The following FASTKD3 variants were observed in gnomAD, a reference collection of about 807,000 sequenced individuals.
The protein encoded by FASTKD3 is FAST kinase domain-containing protein 3, mitochondrial.
In FASTKD3, 47 loss-of-function variants were observed where a neutral mutation model predicts 49.7. That is an observed-to-expected ratio of 0.95 (90% CI 0.75 to 1.21). The LOEUF (loss-of-function observed/expected upper bound fraction) is 1.21, where lower values mean the gene tolerates loss of function less well. Ranked by LOEUF, FASTKD3 falls within the 50% of genes most tolerant of loss-of-function variation. FASTKD3 has a pLI of 0.00. For synonymous variants in FASTKD3, 284 were observed against 288.6 expected (o/e 0.98, Z 0.16); for missense variants, 748 against 765.7 (o/e 0.98, Z 0.27).
chr5:7,859,491 C>G lies in FASTKD3; in HGVS notation c.1933G>C (p.Glu645Gln), dbSNP rs1382664675. ...GMLKSRRELV[E>Q]YLQRKLFSQN... is the part of the protein sequence containing the mutation. ...GAAAACAGTTTTCTTTGTAAATATT[C>G]CACCAATTCACGTCTTGATTTTAGC... The change falls in exon 7 of 7, where the codon GAA (glutamate) becomes CAA (glutamine). Residue 645 changes from glutamate (E) to glutamine (Q), a missense_variant. Coordinates refer to ENST00000264669, the MANE Select transcript of FASTKD3 (RefSeq NM_024091.4). 6.2e-7 allele frequency: 1 copy of G among 1,606,744 alleles called. No individual in the cohort carries two copies. Among genetic ancestry groups the G allele is most frequent in the Non-Finnish European group, 8.5e-7 (1 of 1,176,466 alleles).
At chr5:7,868,888 C>A in intron 1 of FASTKD3, 91 bp downstream of exon 1, 1 of 576,398 alleles carries the variant, frequency 1.7e-6, no homozygotes, top group Non-Finnish European at 3.1e-6. Context: ...CGCTGAGACA[C>A]GGGCCGGGCG....
chr5:7,863,007 CA>C lies in FASTKD3; in HGVS notation c.1525-11del, dbSNP rs1746666129. 6.2e-7 allele frequency: 1 copy of C among 1,605,748 alleles called. No homozygotes were observed. The highest frequency in any genetic ancestry group is 8.5e-7 in the Non-Finnish European group (1 of 1,174,158). On this transcript the variant is annotated splice_polypyrimidine_tract_variant and intron_variant, in intron 3 of 6. Coordinates refer to ENST00000264669, the MANE Select transcript of FASTKD3 (RefSeq NM_024091.4). The stretch of plus-strand genomic sequence containing the variant: ...GAAGGAGTTTTGGACCCTAAAAAAT[CA>C]TAAGTGCAAATGTGAGAAAGAAAAA...
rs371410384 is a variant in FASTKD3 at position 7,867,066 on chromosome 5, C to T, written c.1018G>A (p.Ala340Thr). The T allele has an allele frequency of 1.9e-6, 3 of 1,614,180 alleles. No homozygotes were observed. The East Asian group carries it at 6.7e-5, about 36-fold the overall frequency. ...TCATGGTGCCCAAAATATATGAACG[C>T]CTCCAAGACTCTCCTAAGCTCCTCG... ...TNEELRRVLE[A>T]FIYFGHHDTF... is the part of the protein sequence containing the mutation. The change falls in exon 2 of 7, where the codon GCG becomes ACG. Residue 340 changes from alanine to threonine, a missense_variant. Ala to Thr is a moderately conservative substitution (Grantham distance 58). Coordinates refer to ENST00000264669, the MANE Select transcript of FASTKD3 (RefSeq NM_024091.4).
intron 1 of FASTKD3, among the ~76,000 whole-genome samples, 152 bp downstream of exon 1, chr5:7,868,824 AATG>A (rs1326254694): frequency 6.6e-6 from 1 of 152,022 alleles, no homozygotes; most frequent in Non-Finnish European, 1.5e-5. Flanking sequence ...TTTTCCTAGG[AATG>A]AAAGGGACCC....
At position 7,865,973 on chromosome 5, in the gene FASTKD3, A is replaced by G; in HGVS notation, c.1449T>C (p.Ser483=). The change falls in exon 3 of 7, where the codon TCT becomes TCC. Residue 483 remains serine (S), a synonymous_variant. Transcript: ENST00000264669. ...GTGCCCGACTCAATGTGTCCAAATG[A>G]GATTCTTTACCTGAAACAGAAAGCA... ...LFLQRLQGKE[S]HLDTLSRAQL... is the part of the protein sequence containing the mutation. 6.2e-7 allele frequency: 1 copy of G among 1,613,612 alleles called. No homozygotes were observed.
rs138245860 is a variant in FASTKD3 at position 7,861,167 on chromosome 5, G to A, written c.1866C>T (p.Leu622=). The change falls in exon 6 of 7, where the codon CTC becomes CTT. Residue 622 remains leucine (L), a synonymous_variant. Coordinates refer to ENST00000264669, the MANE Select transcript of FASTKD3 (RefSeq NM_024091.4). ...ACCGTACCTGAACAACTTGATAACC[G>A]AGTAACTGTAGGTGTCTTTGTTTAA... ...EAIKQRHLQL[L]GYQVVQIPYH... The A allele has an allele frequency of 1.6e-5, 25 of 1,605,650 alleles. No individual in the cohort carries two copies. Among genetic ancestry groups the A allele is most frequent in the Non-Finnish European group, 2.1e-5 (25 of 1,174,292 alleles).
chr5:7,862,972 T>C lies in FASTKD3; in HGVS notation c.1550A>G (p.Gln517Arg), dbSNP rs1435187509. Residue 517 changes from glutamine to arginine, a missense_variant, in exon 4 of 7, where the codon CAA becomes CGA. Physicochemically the swap from Gln to Arg is conservative, Grantham distance 43 (BLOSUM62 1). Coordinates refer to ENST00000264669, the MANE Select transcript of FASTKD3 (RefSeq NM_024091.4). ...GCATGGGGTAAGAAATGACTTCACTTGATATTTAGGAAGGAGTTTTGGACC... is the reference window on the plus strand; with the variant it reads ...GCATGGGGTAAGAAATGACTTCACTCGATATTTAGGAAGGAGTTTTGGACC... ...YKGPKLLPKY[Q>R]VKSFLTPCCS... is the part of the protein sequence containing the mutation. 4.3e-6 allele frequency: 7 copies of C among 1,613,888 alleles called. No individual in the cohort carries two copies. The highest frequency in any genetic ancestry group is 5.9e-6 in the Non-Finnish European group (7 of 1,179,902).
Position 7,867,056 on chromosome 5 carries a change from T to TATATG in FASTKD3, c.1023_1027dup (p.Tyr343SerfsTer15), listed in dbSNP as rs749066616. ...AAAAAATGTGTCATGGTGCCCAAAATATATGAACGCCTCCAAGACTCTCCT... is the reference window on the plus strand; with the variant it reads ...AAAAAATGTGTCATGGTGCCCAAAATATATGATATGAACGCCTCCAAGACTCTCCT... On this transcript the variant is annotated frameshift_variant, in exon 2 of 7. Coordinates refer to ENST00000264669, the MANE Select transcript of FASTKD3 (RefSeq NM_024091.4). LOFTEE classifies it high-confidence loss of function. The TATATG allele has an allele frequency of 7.4e-6, 12 of 1,614,150 alleles. No individual in the cohort carries two copies. The South Asian group carries it at 1.2e-4, about 16-fold the overall frequency.
In FASTKD3 at chr5:7,867,923, C is replaced by A. The variant is rs371427214; in HGVS notation, c.161G>T (p.Gly54Val). The change falls in exon 2 of 7, where the codon GGG becomes GTG. Residue 54 changes from glycine to valine, a missense_variant. Gly to Val is a moderately radical substitution (Grantham distance 109). Transcript: ENST00000264669. ...ACAATGGGCATGATGGAATTTGACC[C>A]CGAAAGGCTCAGGTTGTCGTGAACA... ...WLCSRQPEPF[G>V]VKFHHAHCKK... 3.7e-5 allele frequency: 60 copies of A among 1,614,056 alleles called. No homozygotes were observed. Among genetic ancestry groups the A allele is most frequent in the Non-Finnish European group, 4.9e-5 (58 of 1,180,016 alleles).
Position 7,867,010 on chromosome 5 carries a change from A to C in FASTKD3, c.1074T>G (p.Arg358=). The change falls in exon 2 of 7, where the codon CGT becomes CGG. Residue 358 remains arginine, a synonymous_variant. Coordinates refer to ENST00000264669, the MANE Select transcript of FASTKD3 (RefSeq NM_024091.4). The stretch of plus-strand genomic sequence containing the variant: ...CCAACGTGAGGCACACCGCAGCTAC[A>C]CGATGCTCTAGGGCTTTTGTAAAAA... ...DTFFTKALEH[R]VAAVCLTLDP... The C allele has an allele frequency of 6.2e-7, 1 of 1,614,230 alleles. No individual in the cohort carries two copies. Among genetic ancestry groups the C allele is most frequent in the Non-Finnish European group, 8.5e-7 (1 of 1,180,048 alleles).
In FASTKD3 at chr5:7,868,191, G is replaced by A. The variant is rs1451384439; in HGVS notation, c.-108C>T. On this transcript the variant is annotated 5_prime_UTR_variant, in exon 2 of 7. Transcript: ENST00000264669. The stretch of plus-strand genomic sequence containing the variant: ...CATCAATGTTTATGAAACTACAAAC[G>A]AGTATCTGGAAAAAAAAAAAAAAAA... The A allele has an allele frequency of 6.0e-5, 16 of 268,214 alleles. No homozygotes were observed. The highest frequency in any genetic ancestry group is 3.1e-4 in the South Asian group (2 of 6,408). The allele number at this position is 268,214 out of a possible 1,614,324, so 16.6% of individuals were successfully genotyped here.
In FASTKD3 at chr5:7,868,947, C is replaced by CAACT. The variant is rs749123217; in HGVS notation, c.-114+28_-114+31dup. On this transcript the variant is annotated intron_variant, in intron 1 of 6. Coordinates refer to ENST00000264669, the MANE Select transcript of FASTKD3 (RefSeq NM_024091.4). Reference sequence around the variant, plus strand: ...CCAGGTCTTTGACACCCAGCCGGACCAACTGCGCGGAGACCCCGCGTTGAC... The same window carrying CAACT: ...CCAGGTCTTTGACACCCAGCCGGACCAACTAACTGCGCGGAGACCCCGCGTTGAC... 27 of 704,092 alleles carry CAACT rather than the reference C, an allele frequency of 3.8e-5. No homozygotes were observed. In the African/African-American group the frequency reaches 4.5e-4, roughly 12 times the overall value. 43.6% of individuals were successfully genotyped at this position (704,092 alleles called of 1,614,324 possible). A position where few individuals can be genotyped will look rare whatever the true frequency, so the allele number is the denominator to read the frequency against.
rs547672423 is a variant in FASTKD3, at chr5:7,864,316, A to G, written c.1525-1319T>C. Among the ~76,000 whole-genome samples, 4 of 152,322 alleles carry G rather than the reference A, an allele frequency of 2.6e-5. No homozygotes were observed. In the South Asian group the frequency reaches 8.3e-4, roughly 32 times the overall value. ...TGTTAATTAGAATACATAAATAAAA[A>G]TTCAATTTTACTTTTAGATCAAAGA... On this transcript the variant is annotated intron_variant, in intron 3 of 6. Coordinates refer to ENST00000264669, the MANE Select transcript of FASTKD3 (RefSeq NM_024091.4).
intron 6 of FASTKD3, 50 bp from the exon 7 acceptor site, chr5:7,859,589 T>G (rs16879236): frequency 0.05 from 58,609 of 1,181,390 alleles, 3,026 homozygotes; most frequent in East Asian, 0.19. Context: ...AAATCTGAGG[T>G]TCCTCTGGCT....
At chr5:7,864,284 C>T (rs1746773861) in intron 3 of FASTKD3, among the ~76,000 whole-genome samples, 2 of 152,066 alleles carry the variant, frequency 1.3e-5, no homozygotes, top group Non-Finnish European at 2.9e-5. Context: ...TAAGTATATA[C>T]AATTTTTGTT....
Position 7,863,606 on chromosome 5 carries a change from G to A in FASTKD3, c.1525-609C>T, listed in dbSNP as rs541289423. Among the ~76,000 whole-genome samples, 24 of 152,272 alleles carry A rather than the reference G, an allele frequency of 1.6e-4. No homozygotes were observed. In the South Asian group the frequency reaches 4.6e-3, roughly 29 times the overall value. ...CTGGTCCTGAGCATTTTGGATAAGG[G>A]ATACTCAATCTGTAATGGAAAATGT... On this transcript the variant is annotated intron_variant, in intron 3 of 6. Coordinates refer to ENST00000264669, the MANE Select transcript of FASTKD3 (RefSeq NM_024091.4).
chr5:7,862,774 C>T (rs765010675), intron 4 of FASTKD3, 49 bp downstream of exon 4: 52 of 1,490,864 alleles, frequency 3.5e-5, no homozygotes, highest in South Asian at 1.4e-4. Flanking sequence ...TCTCCAAAAT[C>T]GAACAGGATG....
Position 7,861,134 on chromosome 5 carries a change from T to C in FASTKD3, c.1884+15A>G. On this transcript the variant is annotated intron_variant, in intron 6 of 6. Coordinates refer to ENST00000264669, the MANE Select transcript of FASTKD3 (RefSeq NM_024091.4). ...ATTTGCTTTTGGGAAACAAAAAAAA[T>C]AGGTGAAACCGTACCTGAACAACTT... 1 of 1,487,474 alleles carries C rather than the reference T, an allele frequency of 6.7e-7. No homozygotes were observed. The highest frequency in any genetic ancestry group is 9.2e-7 in the Non-Finnish European group (1 of 1,082,990). 92.1% of individuals were successfully genotyped at this position (1,487,474 alleles called of 1,614,324 possible). A position where few individuals can be genotyped will look rare whatever the true frequency, so the allele number is the denominator to read the frequency against.
rs375558531 is a variant in FASTKD3, at chr5:7,865,866, G to A, written c.1524+32C>T. ...CTTAAAAGGAAACTGCACCCATGGG[G>A]AAATAAAGCCACATATAGTTCATGC... On this transcript the variant is annotated intron_variant, in intron 3 of 6. Coordinates refer to ENST00000264669, the MANE Select transcript of FASTKD3 (RefSeq NM_024091.4). The A allele has an allele frequency of 1.4e-5, 21 of 1,524,294 alleles. No individual in the cohort carries two copies. In the East Asian group the frequency reaches 3.2e-4, roughly 23 times the overall value. The allele number at this position is 1,524,294 out of a possible 1,614,324, so 94.4% of individuals were successfully genotyped here.
Sources: gnomAD v4.1 joint callset for allele counts (sites outside exome capture counted in the v4.1 genomes callset) on GRCh38, gnomAD v4.1.1 for gene constraint, MANE v1.5 for transcripts, NCBI Gene and HGNC (gene_info 2026-07-23, HGNC 2026-07-21) for gene names.